Variants in CD84 observed in about 807,000 individuals in gnomAD.
CD84 encodes the protein CD84 molecule.
A neutral mutation model predicts 33.8 loss-of-function variants in CD84; 22 were observed. The observed-to-expected ratio is 0.65, with a 90% confidence interval of 0.46 to 0.93. The LOEUF (loss-of-function observed/expected upper bound fraction) is 0.93. CD84 is among the 40% of genes least tolerant of loss of function. The pLI is 0.00. For missense variants in CD84, 400 were observed against 397.6 expected (o/e 1.01, Z -0.05); for synonymous variants, 154 against 145.2 (o/e 1.06, Z -0.44).
At chr1:160,572,538 T>A (rs1350948347) in intron 1 of CD84, among the ~76,000 whole-genome samples, 1 of 151,756 alleles carries the variant, frequency 6.6e-6, no homozygotes, top group Admixed American at 6.6e-5. Context: ...CTGGCACATA[T>A]AAATGGTAGT....
chr1:160,554,364 C>A (rs533954059), intron 2 of CD84, among the ~76,000 whole-genome samples: 1 of 152,142 alleles, frequency 6.6e-6, no homozygotes, highest in Non-Finnish European at 1.5e-5. Flanking sequence ...TCTATGCTCT[C>A]GAGGTTATCT....
At chr1:160,560,672 C>CA (rs1326837666) in intron 2 of CD84, among the ~76,000 whole-genome samples, 5 of 151,858 alleles carry the variant, frequency 3.3e-5, no homozygotes, top group Non-Finnish European at 5.9e-5. Flanking sequence ...GACAGAGACA[C>CA]AAAAAACCAT....
Position 160,541,412 on chromosome 1 carries a change from CA to C in CD84, c.*6843del, listed in dbSNP as rs2102096904. The stretch of plus-strand genomic sequence containing the variant: ...CAAAACACAAAATTAGGCACTCAGA[CA>C]AAAAGCAACTTATTAGCCAGTTGGA... On this transcript the variant is annotated 3_prime_UTR_variant, in exon 7 of 7. Coordinates refer to ENST00000368054, the MANE Select transcript of CD84 (RefSeq NM_003874.4). The C allele has an allele frequency of 6.6e-6, 1 of 152,210 alleles. No individual in the cohort carries two copies. The highest frequency in any genetic ancestry group is 1.9e-4 in the East Asian group (1 of 5,184). 9.4% of individuals were successfully genotyped at this position (152,210 alleles called of 1,614,324 possible). A position where few individuals can be genotyped will look rare whatever the true frequency, so the allele number is the denominator to read the frequency against.
rs1253247314 is a variant in CD84 at position 160,547,807 on chromosome 1, T to G, written c.*449A>C. On this transcript the variant is annotated 3_prime_UTR_variant, in exon 7 of 7. Coordinates refer to ENST00000368054, the MANE Select transcript of CD84 (RefSeq NM_003874.4). ...CATACTGACTGTGAGCAGAGCATCT[T>G]GGCTGGTGTGCCATGGCCTATTACA... The G allele has an allele frequency of 5.4e-6, 1 of 184,310 alleles. No individual in the cohort carries two copies. Among genetic ancestry groups the G allele is most frequent in the African/African-American group, 2.4e-5 (1 of 42,140 alleles). The allele number at this position is 184,310 out of a possible 1,614,324, so 11.4% of individuals were successfully genotyped here. A position where few individuals can be genotyped will look rare whatever the true frequency, so the allele number is the denominator to read the frequency against.
intron 6 of CD84, 87 bp downstream of exon 6, chr1:160,549,830 C>G: frequency 2.0e-6 from 2 of 994,418 alleles, no homozygotes; most frequent in South Asian, 2.5e-5. Flanking sequence ...CCAGGGGAAC[C>G]AGCTAGCCCC....
Position 160,554,156 on chromosome 1 carries a change from C to G in CD84, c.389-10G>C. The G allele has an allele frequency of 6.2e-7, 1 of 1,603,914 alleles. No homozygotes were observed. Among genetic ancestry groups the G allele is most frequent in the East Asian group, 2.2e-5 (1 of 44,844 alleles). ...GGTTTCCCAAGCCGACCTGTGGGGGCAAACACATGAGCCAATAGTGAGCTG... is the reference window on the plus strand; with the variant it reads ...GGTTTCCCAAGCCGACCTGTGGGGGGAAACACATGAGCCAATAGTGAGCTG... On this transcript the variant is annotated splice_polypyrimidine_tract_variant and intron_variant, in intron 2 of 6. Transcript: ENST00000368054.
At chr1:160,575,123 G>A (rs1657917816) in intron 1 of CD84, among the ~76,000 whole-genome samples, 1 of 151,854 alleles carries the variant, frequency 6.6e-6, no homozygotes, top group Non-Finnish European at 1.5e-5. Flanking sequence ...TTCTTTTTTT[G>A]TGGCACTAGC....
chr1:160,551,811 C>G (rs779082818), intron 4 of CD84, among the ~76,000 whole-genome samples: 1 of 152,224 alleles, frequency 6.6e-6, no homozygotes. Context: ...TCCCAAAGCG[C>G]TGGGATTACA....
chr1:160,579,260 A>T, intron 1 of CD84, 132 bp downstream of exon 1: 1 of 1,192,788 alleles, frequency 8.4e-7, no homozygotes, highest in Non-Finnish European at 1.2e-6. Flanking sequence ...GATCCTGTTG[A>T]GTACAGTAGA....
intron 1 of CD84, 71 bp from the exon 2 acceptor site, chr1:160,565,816 T>A (rs942040863): frequency 7.4e-7 from 1 of 1,354,472 alleles, no homozygotes; most frequent in Non-Finnish European, 9.8e-7. Flanking sequence ...CTTTTTGGCC[T>A]TGGAGCTCCC....
rs1655832044 is a variant in CD84 at position 160,546,380 on chromosome 1, G to A, written c.*1876C>T. 6.6e-6 allele frequency: 1 copy of A among 152,222 alleles called. No individual in the cohort carries two copies. Among genetic ancestry groups the A allele is most frequent in the South Asian group, 2.1e-4 (1 of 4,830 alleles). 9.4% of individuals were successfully genotyped at this position (152,222 alleles called of 1,614,324 possible). A position where few individuals can be genotyped will look rare whatever the true frequency, so the allele number is the denominator to read the frequency against. The stretch of plus-strand genomic sequence containing the variant: ...AAGGCTGAATGAGATGAGTTTTAGT[G>A]ATAGAAGGACCAAAGAGGAAAAAAC... On this transcript the variant is annotated 3_prime_UTR_variant, in exon 7 of 7. Transcript: ENST00000368054.
Position 160,565,296 on chromosome 1 carries a change from A to G in CD84, c.388+108T>C, listed in dbSNP as rs984834461. Reference sequence around the variant, plus strand: ...TGTATCAATATGTAAGTATTTATAGATATAAAAAGATTTAGGGGACCCAAT... The same window carrying G: ...TGTATCAATATGTAAGTATTTATAGGTATAAAAAGATTTAGGGGACCCAAT... On this transcript the variant is annotated intron_variant, in intron 2 of 6. Transcript: ENST00000368054. The G allele has an allele frequency of 2.4e-5, 18 of 739,372 alleles. No individual in the cohort carries two copies. The African/African-American group carries it at 3.0e-4, about 12-fold the overall frequency. 45.8% of individuals were successfully genotyped at this position (739,372 alleles called of 1,614,324 possible).
chr1:160,565,392 C>T lies in CD84; in HGVS notation c.388+12G>A, dbSNP rs761832920. 68 of 1,573,098 alleles carry T rather than the reference C, an allele frequency of 4.3e-5. No individual in the cohort carries two copies. Among genetic ancestry groups the T allele is most frequent in the Non-Finnish European group, 1.8e-5 (21 of 1,157,198 alleles). ...AAATAAAACACAAGCTCTCCGTCTT[C>T]CCATGACTTACGATAGATTTGCAGG... On this transcript the variant is annotated intron_variant, in intron 2 of 6. Transcript: ENST00000368054.
chr1:160,559,063 A>T (rs138596426), intron 2 of CD84, among the ~76,000 whole-genome samples: 581 of 152,334 alleles, frequency 3.8e-3, no homozygotes, highest in Middle Eastern at 0.01. Flanking sequence ...ATACTTCAAG[A>T]TATCATCCAG....
At position 160,554,163 on chromosome 1, in the gene CD84, A is replaced by C; in HGVS notation, c.389-17T>G. The C allele has an allele frequency of 6.2e-7, 1 of 1,600,712 alleles. No individual in the cohort carries two copies. The highest frequency in any genetic ancestry group is 8.5e-7 in the Non-Finnish European group (1 of 1,172,770). ...CAAGCCGACCTGTGGGGGCAAACAC[A>C]TGAGCCAATAGTGAGCTGGAGCTGG... On this transcript the variant is annotated splice_polypyrimidine_tract_variant and intron_variant, in intron 2 of 6. Transcript: ENST00000368054.
rs989555870 is a variant in CD84 at position 160,550,430 on chromosome 1, G to A, written c.859-451C>T. ...GATCCAGGGTGGAGGGGAGGGAGGGGCAGGCAGGTAAAGGGCGGATGGGAG... is the reference window on the plus strand; with the variant it reads ...GATCCAGGGTGGAGGGGAGGGAGGGACAGGCAGGTAAAGGGCGGATGGGAG... On this transcript the variant is annotated intron_variant, in intron 5 of 6. Transcript: ENST00000368054. Among the ~76,000 whole-genome samples the A allele has an allele frequency of 3.9e-5, 6 of 152,144 alleles. No individual in the cohort carries two copies. In the South Asian group the frequency reaches 6.2e-4, roughly 16 times the overall value.
intron 2 of CD84, among the ~76,000 whole-genome samples, chr1:160,557,568 A>G (rs565712053): frequency 6.6e-6 from 1 of 152,236 alleles, no homozygotes; most frequent in Non-Finnish European, 1.5e-5. Flanking sequence ...AATCTTTGAG[A>G]AATGGCCAAG....
At chr1:160,555,853 T>C (rs1296429535) in intron 2 of CD84, among the ~76,000 whole-genome samples, 2 of 152,158 alleles carry the variant, frequency 1.3e-5, no homozygotes, top group Non-Finnish European at 2.9e-5. Flanking sequence ...ACATGAACAG[T>C]AAGAAGCTGT....
chr1:160,575,593 T>C (rs1030078173), intron 1 of CD84, among the ~76,000 whole-genome samples: 2 of 152,028 alleles, frequency 1.3e-5, no homozygotes, highest in Admixed American at 1.3e-4. Flanking sequence ...TAGCGTGTAC[T>C]TGAACACTGA....
Sources: allele counts gnomAD v4.1 joint callset (sites outside exome capture counted in the v4.1 genomes callset), GRCh38; gene constraint gnomAD v4.1.1; transcripts MANE v1.5; gene names NCBI Gene and HGNC (gene_info 2026-07-23, HGNC 2026-07-21).